HIVEP1: variants seen among roughly 807,000 people sequenced by gnomAD.
HIVEP1 encodes zinc finger protein 40.
In HIVEP1, 36 loss-of-function variants were observed where a neutral mutation model predicts 180.0. The observed-to-expected ratio is 0.20, with a 90% CI of 0.15 to 0.26. The LOEUF (loss-of-function observed/expected upper bound fraction) is 0.26, where lower values mean the gene tolerates loss of function less well. Ranked by LOEUF, HIVEP1 falls within the 10% of genes least tolerant of loss-of-function variation. The pLI is 1.00. For missense variants in HIVEP1, 3,143 were observed against 3,268.7 expected, an observed-to-expected ratio of 0.96 and a Z score of 0.94; for synonymous variants, 1,239 against 1,239.0, an observed-to-expected ratio of 1.00 and a Z score of 0.00.
intron 2 of HIVEP1, among the ~76,000 whole-genome samples, chr6:12,040,245 C>G (rs1769587029): frequency 6.6e-6 from 1 of 152,114 alleles, no homozygotes; most frequent in Admixed American, 6.5e-5. Context: ...GTGTTCGAAT[C>G]TTTGCTTTTC....
At chr6:12,042,118 G>A (rs1769781691) in intron 2 of HIVEP1, among the ~76,000 whole-genome samples, 1 of 148,090 alleles carries the variant, frequency 6.8e-6, no homozygotes, top group African/African-American at 2.5e-5. Flanking sequence ...TGTCGCCAAG[G>A]CGGGACTGCG....
intron 2 of HIVEP1, among the ~76,000 whole-genome samples, chr6:12,040,016 G>A (rs527989829): frequency 1.3e-5 from 2 of 152,168 alleles, no homozygotes; most frequent in Non-Finnish European, 2.9e-5. Context: ...GATGCTGGGC[G>A]GTCGAGGGGA....
In HIVEP1 at chr6:12,092,029, T is replaced by C. The variant is rs1276683488; in HGVS notation, c.94+2792T>C. Among the ~76,000 whole-genome samples, 3 of 152,202 alleles carry C rather than the reference T, an allele frequency of 2.0e-5. No individual in the cohort carries two copies. The East Asian group carries it at 5.8e-4, about 29-fold the overall frequency. On this transcript the variant is annotated intron_variant, in intron 3 of 8. Coordinates refer to ENST00000379388, the MANE Select transcript of HIVEP1 (RefSeq NM_002114.4). ...TCTTAAATTTTTATCATACAATGTT[T>C]GACACATATAAATTAATATATGTAG...
At chr6:12,142,758 C>T (rs1363363468) in intron 7 of HIVEP1, among the ~76,000 whole-genome samples, 1 of 152,210 alleles carries the variant, frequency 6.6e-6, no homozygotes, top group Non-Finnish European at 1.5e-5. Flanking sequence ...ATAAACACCT[C>T]TATGCAAATA....
chr6:12,013,585 A>C (rs1171196865), intron 1 of HIVEP1, among the ~76,000 whole-genome samples: 1 of 152,218 alleles, frequency 6.6e-6, no homozygotes, highest in East Asian at 1.9e-4. Context: ...ATTGGATTAC[A>C]GTCAGAGTTC....
intron 4 of HIVEP1, among the ~76,000 whole-genome samples, chr6:12,128,203 G>A (rs1301600396): frequency 2.0e-5 from 3 of 152,230 alleles, no homozygotes; most frequent in Admixed American, 6.5e-5. Context: ...TAAAGTCAAA[G>A]GAAGGTGTGT....
chr6:12,209,756 CTTAA>C, the HIVEP1 span, among the ~76,000 whole-genome samples: 1 of 152,134 alleles, frequency 6.6e-6, no homozygotes, highest in Non-Finnish European at 1.5e-5. Flanking sequence ...TGTAGTATAG[CTTAA>C]TTAATTATGT....
Position 12,135,908 on chromosome 6 carries a change from A to G in HIVEP1, c.6487+16A>G, listed in dbSNP as rs763895395. 6.1e-6 allele frequency: 9 copies of G among 1,483,570 alleles called. No homozygotes were observed. In the African/African-American group the frequency reaches 7.0e-5, roughly 11 times the overall value. The allele number at this position is 1,483,570 out of a possible 1,614,324, so 91.9% of individuals were successfully genotyped here. A position where few individuals can be genotyped will look rare whatever the true frequency, so the allele number is the denominator to read the frequency against. On this transcript the variant is annotated intron_variant, in intron 7 of 8. Transcript: ENST00000379388. ...GAAGAATCAGGTAAGGCTTTATACCATATTTTTCATAAATGCTATTTATAA... is the reference window on the plus strand; with the variant it reads ...GAAGAATCAGGTAAGGCTTTATACCGTATTTTTCATAAATGCTATTTATAA...
chr6:12,143,677 C>T lies in HIVEP1; in HGVS notation c.6487+7785C>T, dbSNP rs544912642. 1.1e-4 allele frequency among the ~76,000 whole-genome samples: 17 copies of T among 152,350 alleles called. 1 individual carries two copies. In the East Asian group the frequency reaches 2.7e-3, roughly 24 times the overall value. ...AAAATCTCCTTAAGCTGATAAACAA[C>T]TTCAGCAAAGTCTCAGGATGCAAAA... On this transcript the variant is annotated intron_variant, in intron 7 of 8. Coordinates refer to ENST00000379388, the MANE Select transcript of HIVEP1 (RefSeq NM_002114.4).
At chr6:12,061,330 A>C (rs1771217812) in intron 2 of HIVEP1, among the ~76,000 whole-genome samples, 1 of 152,252 alleles carries the variant, frequency 6.6e-6, no homozygotes, top group Non-Finnish European at 1.5e-5. Context: ...GCACGTTTGC[A>C]TATAGGTAAA....
the HIVEP1 span, among the ~76,000 whole-genome samples, chr6:12,210,043 C>T: frequency 6.6e-6 from 1 of 151,704 alleles, no homozygotes; most frequent in South Asian, 2.1e-4. Flanking sequence ...ATGGAGGTTG[C>T]AGTGAACCAG....
At chr6:12,168,134 G>A (rs201326449), downstream of HIVEP1, among the ~76,000 whole-genome samples, 4 of 67,252 alleles carry the variant, frequency 5.9e-5, no homozygotes, top group East Asian at 8.2e-4. Flanking sequence ...ATATATACGT[G>A]TATATCTATA....
At chr6:12,202,248 G>A in the HIVEP1 span, among the ~76,000 whole-genome samples, 5 of 151,938 alleles carry the variant, frequency 3.3e-5, no homozygotes, top group South Asian at 2.1e-4. Flanking sequence ...TTGACCTCCC[G>A]GGGCTCAGGT....
At chr6:12,051,189 C>T (rs1770516924) in intron 2 of HIVEP1, among the ~76,000 whole-genome samples, 1 of 151,614 alleles carries the variant, frequency 6.6e-6, no homozygotes, top group Non-Finnish European at 1.5e-5. Context: ...CTACTAATGC[C>T]AGCACCAATA....
At chr6:12,086,647 T>C (rs1012571948) in intron 2 of HIVEP1, among the ~76,000 whole-genome samples, 5 of 152,054 alleles carry the variant, frequency 3.3e-5, no homozygotes, top group African/African-American at 1.2e-4. Flanking sequence ...AACTGCCTCT[T>C]ATATTGATGA....
rs1350118453 is a variant in HIVEP1, at chr6:12,124,025, T to A, written c.4230T>A (p.Pro1410=). ...CTGAATTGCAGCCTCCATCTTCACCTTCTCGAGTGGGAGTGACTGGGCATG... is the reference window on the plus strand; with the variant it reads ...CTGAATTGCAGCCTCCATCTTCACCATCTCGAGTGGGAGTGACTGGGCATG... The part of the protein sequence containing the change: ...PLTELQPPSS[P]SRVGVTGHVP... The change falls in exon 4 of 9, where the codon CCT becomes CCA. Residue 1410 remains proline, a synonymous_variant. Transcript: ENST00000379388. The A allele has an allele frequency of 6.2e-7, 1 of 1,614,106 alleles. No homozygotes were observed. The highest frequency in any genetic ancestry group is 1.1e-5 in the South Asian group (1 of 91,064).
chr6:12,018,960 CTTCT>C (rs1346558193), intron 2 of HIVEP1, among the ~76,000 whole-genome samples: 1 of 152,132 alleles, frequency 6.6e-6, no homozygotes, highest in Non-Finnish European at 1.5e-5. Context: ...AGAAAACTTG[CTTCT>C]TTAAGATATT....
chr6:12,142,778 A>G (rs1360835284), intron 7 of HIVEP1, among the ~76,000 whole-genome samples: 1 of 152,222 alleles, frequency 6.6e-6, no homozygotes, highest in Non-Finnish European at 1.5e-5. Context: ...AAACTAGAAA[A>G]TCTAGAAGAA....
intron 2 of HIVEP1, among the ~76,000 whole-genome samples, chr6:12,030,372 A>AT (rs1768861965): frequency 6.6e-6 from 1 of 151,944 alleles, no homozygotes; most frequent in African/African-American, 2.4e-5. Context: ...ATTTCTTCAT[A>AT]TATTTTTTCT....
Sources: gnomAD v4.1 joint callset for allele counts (sites outside exome capture counted in the v4.1 genomes callset) on GRCh38, gnomAD v4.1.1 for gene constraint, MANE v1.5 for transcripts, NCBI Gene and HGNC (gene_info 2026-07-23, HGNC 2026-07-21) for gene names.